The following HECW2 variants were observed in gnomAD, a reference collection of about 807,000 sequenced individuals.
The protein encoded by HECW2 is HECT, C2 and WW domain containing E3 ubiquitin protein ligase 2, also known as E3 ubiquitin-protein ligase HECW2.
In HECW2, 61 loss-of-function variants were observed where a neutral mutation model predicts 175.2. The ratio of observed to expected loss-of-function variants is 0.35; its 90% CI spans 0.28 to 0.43. The LOEUF is 0.43. HECW2 is among the 20% of genes least tolerant of loss of function. The pLI is 1.00. For missense variants in HECW2, 1,524 were observed against 2,000.5 expected, an observed-to-expected ratio of 0.76 and a Z score of 4.54; for synonymous variants, 671 against 731.0, an observed-to-expected ratio of 0.92 and a Z score of 1.32.
intron 2 of HECW2, among the ~76,000 whole-genome samples, chr2:196,396,598 G>T (rs1694666459): frequency 6.6e-6 from 1 of 152,172 alleles, no homozygotes; most frequent in Non-Finnish European, 1.5e-5. Flanking sequence ...TATCTCTATT[G>T]TTTCCCCTTT....
chr2:196,233,075 T>C (rs1458647734), intron 21 of HECW2, among the ~76,000 whole-genome samples: 4 of 152,220 alleles, frequency 2.6e-5, no homozygotes, highest in Non-Finnish European at 5.9e-5. Context: ...CATCATGCCT[T>C]TGCTTCCTGT....
chr2:196,579,910 T>C (rs1690708333), intron 1 of HECW2, among the ~76,000 whole-genome samples: 1 of 152,150 alleles, frequency 6.6e-6, no homozygotes, highest in Admixed American at 6.5e-5. Flanking sequence ...ACTTCCAGCC[T>C]CCAGAATTGC....
At chr2:196,232,583 T>C (rs892143799) in intron 21 of HECW2, among the ~76,000 whole-genome samples, 11 of 152,228 alleles carry the variant, frequency 7.2e-5, no homozygotes, top group African/African-American at 2.7e-4. Flanking sequence ...TTCAATGACA[T>C]GAACAGGTTA....
chr2:196,366,637 C>A (rs920517613), intron 2 of HECW2, among the ~76,000 whole-genome samples: 1 of 152,140 alleles, frequency 6.6e-6, no homozygotes, highest in African/African-American at 2.4e-5. Flanking sequence ...TCTTGAAGCT[C>A]TTAGGATGTA....
At chr2:196,369,724 C>A (rs547343841) in intron 2 of HECW2, among the ~76,000 whole-genome samples, 1 of 152,184 alleles carries the variant, frequency 6.6e-6, no homozygotes, top group African/African-American at 2.4e-5. Context: ...GCTGAGCTGG[C>A]ACCCAAGCCA....
chr2:196,307,748 G>A (rs1246991237), intron 11 of HECW2, among the ~76,000 whole-genome samples, 187 bp downstream of exon 11: 4 of 152,112 alleles, frequency 2.6e-5, no homozygotes, highest in African/African-American at 9.7e-5. Flanking sequence ...ATATGTGGGT[G>A]AGTATTATTA....
Position 196,318,689 on chromosome 2 carries a change from C to G in HECW2, c.2201G>C (p.Gly734Ala). The G allele has an allele frequency of 6.3e-7, 1 of 1,592,626 alleles. No homozygotes were observed. The highest frequency in any genetic ancestry group is 8.5e-7 in the Non-Finnish European group (1 of 1,169,666). ...SATVPDQEEL[G>A]EVWQRRGSLE... ...GCTCCCCCTCCGCTGCCAGACCTCC[C>G]CCAGCTCCTCCTGGTCAGGTACAGT... Residue 734 changes from glycine to alanine, a missense_variant, in exon 9 of 29, where the codon GGG (glycine) becomes GCG (alanine). This residue lies in a region of HECW2 where 604 missense variants were observed against 588.3 expected (regional missense o/e 1.03). Transcript: ENST00000644978.
At chr2:196,541,535 C>A (rs1032172222) in intron 1 of HECW2, among the ~76,000 whole-genome samples, 31 of 152,104 alleles carry the variant, frequency 2.0e-4, no homozygotes, top group African/African-American at 7.0e-4. Context: ...GATGAAAGCA[C>A]GGAGGAAGGC....
At chr2:196,449,314 A>G (rs59278927) in intron 1 of HECW2, among the ~76,000 whole-genome samples, 1,663 of 152,304 alleles carry the variant, frequency 0.011, 33 homozygotes, top group African/African-American at 0.037. Flanking sequence ...TAGTTTAGCA[A>G]TGTATCTAGT....
At chr2:196,287,031 G>A (rs557251562) in intron 14 of HECW2, among the ~76,000 whole-genome samples, 1 of 152,312 alleles carries the variant, frequency 6.6e-6, no homozygotes, top group African/African-American at 2.4e-5. Flanking sequence ...CAGGCTATTA[G>A]GGTCTGGTAA....
chr2:196,414,395 G>A (rs556233292), intron 2 of HECW2, among the ~76,000 whole-genome samples: 18 of 152,148 alleles, frequency 1.2e-4, no homozygotes, highest in African/African-American at 4.3e-4. Context: ...ACAAATCTCA[G>A]TATGTGTTAG....
chr2:196,272,870 T>G (rs1689790705), intron 16 of HECW2, among the ~76,000 whole-genome samples: 1 of 145,946 alleles, frequency 6.9e-6, no homozygotes, highest in Non-Finnish European at 1.5e-5. Context: ...TGTGCAGTAT[T>G]TAGTGTCATA....
rs1690162098 is a variant in HECW2, at chr2:196,280,971, A to T, written c.3001-2309T>A. On this transcript the variant is annotated intron_variant, in intron 14 of 28. Coordinates refer to ENST00000644978, the MANE Select transcript of HECW2 (RefSeq NM_001348768.2). ...TCTTGTTTAAGGGAAAAATACAAAG[A>T]GCATAAATTAGAATGGCCTATTTAC... 2.6e-5 allele frequency among the ~76,000 whole-genome samples: 4 copies of T among 152,228 alleles called. No homozygotes were observed. The South Asian group carries it at 8.3e-4, about 32-fold the overall frequency.
intron 1 of HECW2, among the ~76,000 whole-genome samples, chr2:196,510,093 C>T (rs1687893427): frequency 6.6e-6 from 1 of 152,194 alleles, no homozygotes; most frequent in African/African-American, 2.4e-5. Flanking sequence ...GTCTAGATTA[C>T]AGGCAGCAAT....
At chr2:196,252,783 CCTT>C (rs1278711836) in intron 19 of HECW2, among the ~76,000 whole-genome samples, 1 of 152,216 alleles carries the variant, frequency 6.6e-6, no homozygotes, top group East Asian at 1.9e-4. Flanking sequence ...ACTAGAATGT[CCTT>C]CTTTCTTTGG....
chr2:196,510,663 T>C (rs574915243), intron 1 of HECW2, among the ~76,000 whole-genome samples: 2 of 152,312 alleles, frequency 1.3e-5, no homozygotes, highest in East Asian at 3.9e-4. Context: ...AGGGTTTTAA[T>C]TGTTATTTTC....
At chr2:196,472,586 G>C (rs1485584720) in intron 1 of HECW2, among the ~76,000 whole-genome samples, 3 of 151,702 alleles carry the variant, frequency 2.0e-5, no homozygotes, top group African/African-American at 7.3e-5. Flanking sequence ...CAGAATAGTG[G>C]ATCTCTGTAG....
intron 11 of HECW2, 60 bp downstream of exon 11, chr2:196,307,875 C>T: frequency 2.8e-6 from 4 of 1,408,090 alleles, no homozygotes; most frequent in Non-Finnish European, 3.8e-6. Flanking sequence ...CTACTTTGTG[C>T]CAAGTAAAAA....
intron 23 of HECW2, among the ~76,000 whole-genome samples, chr2:196,223,883 G>A (rs1349767121): frequency 2.6e-5 from 4 of 152,180 alleles, no homozygotes; most frequent in African/African-American, 7.2e-5. Context: ...AATCATTTAG[G>A]AGGCAAACAT....
Sources: allele counts gnomAD v4.1 joint callset (sites outside exome capture counted in the v4.1 genomes callset), GRCh38; gene constraint gnomAD v4.1.1; regional missense constraint gnomAD v4.1.1; transcripts MANE v1.5; gene names NCBI Gene and HGNC (gene_info 2026-07-23, HGNC 2026-07-21).